Variants in CACNG6 observed in about 807,000 individuals in gnomAD.
CACNG6 encodes calcium voltage-gated channel auxiliary subunit gamma 6.
Under a neutral mutation model 23.9 loss-of-function variants are expected in CACNG6, and 21 were observed. The ratio of observed to expected loss-of-function variants is 0.88; its 90% CI spans 0.62 to 1.26. The LOEUF (loss-of-function observed/expected upper bound fraction) is 1.26. Among genes scored for constraint, CACNG6 ranks in the 50% most tolerant of loss-of-function variants. The pLI is 0.00. For synonymous variants in CACNG6, 182 were observed against 168.9 expected (o/e 1.08, Z -0.60); for missense variants, 340 against 352.9 (o/e 0.96, Z 0.29).
upstream of CACNG6, among the ~76,000 whole-genome samples, chr19:53,991,289 T>TC (rs1782679450): frequency 6.7e-6 from 1 of 149,746 alleles, no homozygotes; most frequent in African/African-American, 2.5e-5. Context: ...CAGGCCCTCC[T>TC]CCCTGAGACC....
Position 54,007,985 on chromosome 19 carries a change from G to A in CACNG6, c.545-3966G>A, listed in dbSNP as rs921495840. 7.2e-5 allele frequency among the ~76,000 whole-genome samples: 11 copies of A among 152,194 alleles called. No homozygotes were observed. In the South Asian group the frequency reaches 2.1e-3, roughly 29 times the overall value. On this transcript the variant is annotated intron_variant, in intron 3 of 3. Coordinates refer to ENST00000252729, the MANE Select transcript of CACNG6 (RefSeq NM_145814.2). The stretch of plus-strand genomic sequence containing the variant: ...TAAATGCTTTTCCACCTCCCGTTCT[G>A]TAATGTTGGGCTGCATGGAGCAAAG...
chr19:54,004,421 G>A (rs997693430), intron 3 of CACNG6, among the ~76,000 whole-genome samples: 8 of 148,676 alleles, frequency 5.4e-5, no homozygotes, highest in Admixed American at 2.7e-4. Flanking sequence ...CTCCATGTTG[G>A]CCAGGCTGGC....
Position 54,012,273 on chromosome 19 carries a change from C to T in CACNG6, c.*84C>T, listed in dbSNP as rs1235065123. Reference sequence around the variant, plus strand: ...CCCCAAGATCTTTTTGCCCCATCTCCTAGAGAAACTGTGTTCTCCCTGCTC... The same window carrying T: ...CCCCAAGATCTTTTTGCCCCATCTCTTAGAGAAACTGTGTTCTCCCTGCTC... On this transcript the variant is annotated 3_prime_UTR_variant, in exon 4 of 4. Coordinates refer to ENST00000252729, the MANE Select transcript of CACNG6 (RefSeq NM_145814.2). 3.4e-6 allele frequency: 2 copies of T among 586,112 alleles called. No individual in the cohort carries two copies. The highest frequency in any genetic ancestry group is 5.6e-6 in the Non-Finnish European group (2 of 360,326). The allele number at this position is 586,112 out of a possible 1,614,324, so 36.3% of individuals were successfully genotyped here.
intron 1 of CACNG6, among the ~76,000 whole-genome samples, chr19:53,993,722 T>C (rs1370241517): frequency 7.7e-6 from 1 of 129,484 alleles, no homozygotes. Flanking sequence ...CATGCACCCC[T>C]AGACCAGTCT....
intron 3 of CACNG6, among the ~76,000 whole-genome samples, chr19:54,007,105 G>A (rs2069656358): frequency 6.6e-6 from 1 of 152,070 alleles, no homozygotes; most frequent in African/African-American, 2.4e-5. Flanking sequence ...CTGAAGTGCA[G>A]TGGTTCGATC....
intron 3 of CACNG6, among the ~76,000 whole-genome samples, chr19:54,001,843 A>G (rs2069578681): frequency 1.3e-5 from 2 of 152,214 alleles, no homozygotes; most frequent in Admixed American, 1.3e-4. Context: ...CTGTGACATT[A>G]ACAGGGAATC....
At chr19:53,991,304 G>T (rs1330338124), upstream of CACNG6, among the ~76,000 whole-genome samples, 1 of 150,292 alleles carries the variant, frequency 6.7e-6, no homozygotes, top group Non-Finnish European at 1.5e-5. Context: ...GAGACCCGGG[G>T]CCCTGCCTCC....
chr19:54,001,741 A>G (rs1402122090), intron 3 of CACNG6, among the ~76,000 whole-genome samples: 1 of 152,150 alleles, frequency 6.6e-6, no homozygotes, highest in Non-Finnish European at 1.5e-5. Flanking sequence ...GCAGATCTTG[A>G]AAGAAAGCCA....
intron 1 of CACNG6, among the ~76,000 whole-genome samples, chr19:53,994,612 T>C (rs16985317): frequency 0.027 from 4,157 of 152,272 alleles, 174 homozygotes; most frequent in African/African-American, 0.095. Context: ...TCTCCAGCAC[T>C]CTTCAGTCTC....
At position 54,003,851 on chromosome 19, in the gene CACNG6, C is replaced by A. The variant is rs6509836; in HGVS notation, c.544+4080C>A. On this transcript the variant is annotated intron_variant, in intron 3 of 3. Transcript: ENST00000252729. Reference sequence around the variant, plus strand: ...CCACAGAGCAGCTAGAGTGATACTTCTATTTTTTTAATTTTAAATTTTTTA... The same window carrying A: ...CCACAGAGCAGCTAGAGTGATACTTATATTTTTTTAATTTTAAATTTTTTA... 5.5e-3 allele frequency among the ~76,000 whole-genome samples: 838 copies of A among 151,802 alleles called. 3 individuals are homozygous for A. Among genetic ancestry groups the A allele is most frequent in the Non-Finnish European group, 9.4e-3 (641 of 68,012 alleles).
intron 3 of CACNG6, among the ~76,000 whole-genome samples, chr19:54,007,769 C>T (rs967576353): frequency 7.6e-5 from 5 of 65,390 alleles, no homozygotes; most frequent in African/African-American, 2.3e-4. Context: ...TGGCAGCTTG[C>T]GATGTAGTCC....
In CACNG6 at chr19:54,012,033, G is replaced by T; in HGVS notation, c.627G>T (p.Pro209=). The change falls in exon 4 of 4, where the codon CCG becomes CCT. Residue 209 remains proline, a synonymous_variant. Coordinates refer to ENST00000252729, the MANE Select transcript of CACNG6 (RefSeq NM_145814.2). ...AGAGAGTCAGCCCGGAGCCTCCCCC[G>T]GCCCCACGCCTCACCTACGAGTACT... ...LLQRVSPEPP[P]APRLTYEYSW... 6.2e-7 allele frequency: 1 copy of T among 1,603,604 alleles called. No individual in the cohort carries two copies. Among genetic ancestry groups the T allele is most frequent in the South Asian group, 1.1e-5 (1 of 90,036 alleles).
At chr19:54,005,347 C>T (rs1258883402) in intron 3 of CACNG6, among the ~76,000 whole-genome samples, 1 of 150,586 alleles carries the variant, frequency 6.6e-6, no homozygotes, top group Non-Finnish European at 1.5e-5. Flanking sequence ...ATCCCTTGAG[C>T]CCAGGAGTTC....
Position 53,992,553 on chromosome 19 carries a change from A to C in CACNG6, c.-325A>C. ...GGGGGACTCCCTCCTGGGAAGCCGAATTCTATCTCTAAACCTCAGGGTGGG... is the reference window on the plus strand; with the variant it reads ...GGGGGACTCCCTCCTGGGAAGCCGACTTCTATCTCTAAACCTCAGGGTGGG... On this transcript the variant is annotated 5_prime_UTR_variant, in exon 1 of 4. Transcript: ENST00000252729. This position sits in a 1 kb window ranked among gnomAD's most constrained non-coding sequence, Gnocchi z 4.1. The C allele has an allele frequency of 1.5e-5, 3 of 200,182 alleles. No individual in the cohort carries two copies. The allele number at this position is 200,182 out of a possible 1,614,324, so 12.4% of individuals were successfully genotyped here. A position where few individuals can be genotyped will look rare whatever the true frequency, so the allele number is the denominator to read the frequency against.
chr19:54,000,729 C>T (rs2069566651), intron 3 of CACNG6, among the ~76,000 whole-genome samples: 3 of 152,076 alleles, frequency 2.0e-5, no homozygotes, highest in Admixed American at 6.6e-5. Flanking sequence ...CAAGCAGGCA[C>T]CACCACGCCT....
At chr19:53,995,717 A>G (rs1244337742) in intron 1 of CACNG6, among the ~76,000 whole-genome samples, 3 of 152,254 alleles carry the variant, frequency 2.0e-5, no homozygotes, top group African/African-American at 7.2e-5. Context: ...GCTGGAGTGC[A>G]ATGGCACGAT....
intron 3 of CACNG6, among the ~76,000 whole-genome samples, chr19:54,006,517 C>CTTTCTTTTTTTTTTTTTTTTTTT (rs2069646652): frequency 3.7e-5 from 4 of 107,332 alleles, no homozygotes; most frequent in African/African-American, 1.5e-4. Flanking sequence ...TTCCTTCTTT[C>CTTTCTTTTTTTTTTTTTTTTTTT]TTTTCTTTTT....
Position 54,005,751 on chromosome 19 carries a change from TTAAAATAAAATAAAA to T in CACNG6, c.544+6025_544+6039del, listed in dbSNP as rs79507810. On this transcript the variant is annotated intron_variant, in intron 3 of 3. Coordinates refer to ENST00000252729, the MANE Select transcript of CACNG6 (RefSeq NM_145814.2). ...CTGGGCAACAGAGTGAGACTCCCTC[TTAAAATAAAATAAAA>T]TAAAATAAAATAAAATAAAATAAAA... 2.5e-3 allele frequency among the ~76,000 whole-genome samples: 354 copies of T among 141,232 alleles called. 4 individuals carry two copies. The highest frequency in any genetic ancestry group is 8.0e-3 in the African/African-American group (298 of 37,376). The allele number at this position is 141,232 out of a possible 152,430, so 92.7% of individuals were successfully genotyped here. A position where few individuals can be genotyped will look rare whatever the true frequency, so the allele number is the denominator to read the frequency against.
intron 3 of CACNG6, among the ~76,000 whole-genome samples, chr19:54,007,386 T>G (rs560628067): frequency 2.6e-5 from 4 of 152,282 alleles, no homozygotes; most frequent in South Asian, 2.1e-4. Flanking sequence ...AATACAGTCA[T>G]GTTCTGAGGT....
Sources: allele counts gnomAD v4.1 joint callset (sites outside exome capture counted in the v4.1 genomes callset), GRCh38; gene constraint gnomAD v4.1.1; non-coding constraint Gnocchi (gnomAD v3.1); transcripts MANE v1.5; gene names NCBI Gene and HGNC (gene_info 2026-07-23, HGNC 2026-07-21).